The following LDHAL6A variants were observed in gnomAD, a reference collection of about 807,000 sequenced individuals.
LDHAL6A encodes L-lactate dehydrogenase A-like 6A.
In LDHAL6A, 19 loss-of-function variants were observed where a neutral mutation model predicts 28.2. That is an observed-to-expected ratio of 0.67 (90% CI 0.47 to 0.99). LDHAL6A has a LOEUF of 0.99. LDHAL6A is among the 50% of genes least tolerant of loss of function. The pLI is 0.00. For missense variants in LDHAL6A, 372 were observed against 398.6 expected, an observed-to-expected ratio of 0.93 and a Z score of 0.57; for synonymous variants, 144 against 134.4, an observed-to-expected ratio of 1.07 and a Z score of -0.49.
intron 1 of LDHAL6A, among the ~76,000 whole-genome samples, chr11:18,457,170 G>T (rs1482537773): frequency 6.6e-6 from 1 of 152,138 alleles, no homozygotes; most frequent in Non-Finnish European, 1.5e-5. Flanking sequence ...CAGCCTACGA[G>T]TACCAAATAC....
chr11:18,456,499 C>T lies in LDHAL6A; in HGVS notation c.-182C>T. ...TGGATGCTGAGCTGCCTGGCCAGAACCTACCCAGCTTCTTTGCTGGTCAGA... is the reference window on the plus strand; with the variant it reads ...TGGATGCTGAGCTGCCTGGCCAGAATCTACCCAGCTTCTTTGCTGGTCAGA... On this transcript the variant is annotated 5_prime_UTR_variant, in exon 1 of 7. Coordinates refer to ENST00000280706, the MANE Select transcript of LDHAL6A (RefSeq NM_144972.5). 1.7e-6 allele frequency: 1 copy of T among 584,820 alleles called. No homozygotes were observed. The highest frequency in any genetic ancestry group is 2.0e-5 in the South Asian group (1 of 49,218). 36.2% of individuals were successfully genotyped at this position (584,820 alleles called of 1,614,324 possible).
At chr11:18,467,903 A>ATG (rs1849120085) in intron 3 of LDHAL6A, among the ~76,000 whole-genome samples, 2 of 73,566 alleles carry the variant, frequency 2.7e-5, no homozygotes, top group African/African-American at 1.4e-4. Context: ...ATATATATAT[A>ATG]TATATATATA....
chr11:18,463,543 C>T (rs1217689664), intron 1 of LDHAL6A, among the ~76,000 whole-genome samples: 1 of 152,150 alleles, frequency 6.6e-6, no homozygotes, highest in African/African-American at 2.4e-5. Flanking sequence ...TTACTGAGCT[C>T]CTCTGTGCCA....
rs67628824 is a variant in LDHAL6A at position 18,464,977 on chromosome 11, G to GTTTTTTTTTTTTTTTTTTTTTTTTTTTT, written c.245-651_245-650insTTTTTTTTTTTTTTTTTTTTTTTTTTTT. Among the ~76,000 whole-genome samples, 63 of 125,512 alleles carry GTTTTTTTTTTTTTTTTTTTTTTTTTTTT rather than the reference G, an allele frequency of 5.0e-4. 6 individuals are homozygous for GTTTTTTTTTTTTTTTTTTTTTTTTTTTT. The highest frequency in any genetic ancestry group is 6.0e-4 in the African/African-American group (18 of 29,790). The allele number at this position is 125,512 out of a possible 152,430, so 82.3% of individuals were successfully genotyped here. A position where few individuals can be genotyped will look rare whatever the true frequency, so the allele number is the denominator to read the frequency against. ...TTTTAGGAGGTGAGGTGTTTTTTTTGTTTTTTTTTGTTTTGTTTTGTTTTG... is the reference window on the plus strand; with the variant it reads ...TTTTAGGAGGTGAGGTGTTTTTTTTGTTTTTTTTTTTTTTTTTTTTTTTTTTTTTTTTTTTTTGTTTTGTTTTGTTTTG... On this transcript the variant is annotated intron_variant, in intron 2 of 6. Coordinates refer to ENST00000280706, the MANE Select transcript of LDHAL6A (RefSeq NM_144972.5).
chr11:18,465,426 G>T (rs1045575737), intron 2 of LDHAL6A, among the ~76,000 whole-genome samples: 1 of 139,988 alleles, frequency 7.1e-6, no homozygotes. Flanking sequence ...CATGACTTAC[G>T]TTTTTTTTTT....
rs374839419 is a variant in LDHAL6A at position 18,471,369 on chromosome 11, C to T, written c.419-4097C>T. On this transcript the variant is annotated intron_variant, in intron 3 of 6. Transcript: ENST00000280706. ...GGATTGCAGGCGCACACCATCATGC[C>T]CAGTTAATTCTTGTATTTTCAGTAG... Among the ~76,000 whole-genome samples, 235 of 151,858 alleles carry T rather than the reference C, an allele frequency of 1.5e-3. 1 individual carries two copies. The highest frequency in any genetic ancestry group is 5.0e-3 in the African/African-American group (209 of 41,432).
At chr11:18,466,432 T>C (rs1007110773) in intron 3 of LDHAL6A, among the ~76,000 whole-genome samples, 1 of 151,972 alleles carries the variant, frequency 6.6e-6, no homozygotes, top group East Asian at 1.9e-4. Context: ...GTGGGTGAAG[T>C]GCTTGAATCC....
rs368774021 is a variant in LDHAL6A, at chr11:18,476,508, T to C, written c.710+7T>C. 57 of 1,612,926 alleles carry C rather than the reference T, an allele frequency of 3.5e-5. No homozygotes were observed. The highest frequency in any genetic ancestry group is 4.6e-5 in the Non-Finnish European group (54 of 1,179,542). ...ACAAAAAAGTGATTTCCAGGTAATA[T>C]GCTAGTTTCACATTTTCAGTACCTT... On this transcript the variant is annotated splice_region_variant and intron_variant, in intron 5 of 6. Transcript: ENST00000280706.
At chr11:18,457,812 T>C (rs992052469) in intron 1 of LDHAL6A, among the ~76,000 whole-genome samples, 1 of 152,292 alleles carries the variant, frequency 6.6e-6, no homozygotes, top group African/African-American at 2.4e-5. Context: ...AGATAACAGA[T>C]GTGAGCCACC....
At chr11:18,468,052 T>TATATATAC (rs2133878776) in intron 3 of LDHAL6A, among the ~76,000 whole-genome samples, 1 of 40,956 alleles carries the variant, frequency 2.4e-5, no homozygotes, top group African/African-American at 8.6e-5. Flanking sequence ...TATATACGTA[T>TATATATAC]ATATATATAC....
rs760606849 is a variant in LDHAL6A, at chr11:18,465,652, C to T, written c.260C>T (p.Ala87Val). 3 of 1,613,116 alleles carry T rather than the reference C, an allele frequency of 1.9e-6. No homozygotes were observed. The highest frequency in any genetic ancestry group is 2.5e-6 in the Non-Finnish European group (3 of 1,179,636). ...IVSSKDYLVT[A>V]NSNLVIITAG... Reference sequence around the variant, plus strand: ...CTTTCCTCAGATTACCTGGTCACTGCAAACTCCAATCTAGTGATTATCACA... The same window carrying T: ...CTTTCCTCAGATTACCTGGTCACTGTAAACTCCAATCTAGTGATTATCACA... Residue 87 changes from alanine to valine, a missense_variant, in exon 3 of 7, where the codon GCA (alanine) becomes GTA (valine). Ala to Val is a moderately conservative substitution (Grantham distance 64). Coordinates refer to ENST00000280706, the MANE Select transcript of LDHAL6A (RefSeq NM_144972.5).
chr11:18,463,786 A>G (rs541061648), intron 1 of LDHAL6A, among the ~76,000 whole-genome samples, 175 bp from the exon 2 acceptor site: 1 of 152,100 alleles, frequency 6.6e-6, no homozygotes, highest in South Asian at 2.1e-4. Flanking sequence ...TGTAATTTGT[A>G]TTTTTTCTGG....
intron 1 of LDHAL6A, among the ~76,000 whole-genome samples, chr11:18,459,900 GT>G (rs59881367): frequency 0.36 from 55,224 of 151,718 alleles, 11,013 homozygotes; most frequent in African/African-American, 0.52. Flanking sequence ...ATTTGGTGGG[GT>G]TTTTTTTGAT....
At chr11:18,461,423 G>A (rs954794888) in intron 1 of LDHAL6A, among the ~76,000 whole-genome samples, 5 of 152,098 alleles carry the variant, frequency 3.3e-5, no homozygotes, top group East Asian at 1.9e-4. Flanking sequence ...GATTATAGGC[G>A]TGAGCCACCA....
At chr11:18,465,835 C>A in intron 3 of LDHAL6A, 25 bp downstream of exon 3, 1 of 1,588,192 alleles carries the variant, frequency 6.3e-7, no homozygotes. Flanking sequence ...TTTAAATTTT[C>A]AACTTTTAGA....
At chr11:18,476,536 A>C in intron 5 of LDHAL6A, 35 bp downstream of exon 5, 1 of 1,606,486 alleles carries the variant, frequency 6.2e-7, no homozygotes, top group Non-Finnish European at 8.5e-7. Context: ...AGTACCTTAG[A>C]AGTTGTGAGC....
chr11:18,467,296 A>G (rs1318932889), intron 3 of LDHAL6A, among the ~76,000 whole-genome samples: 4 of 152,206 alleles, frequency 2.6e-5, no homozygotes, highest in Admixed American at 2.0e-4. Flanking sequence ...TCCAACATCA[A>G]TTCTAGAGAA....
At chr11:18,462,661 AAAAAAC>A (rs1848955111) in intron 1 of LDHAL6A, among the ~76,000 whole-genome samples, 2 of 142,274 alleles carry the variant, frequency 1.4e-5, no homozygotes, top group African/African-American at 2.7e-5. Flanking sequence ...CAAACAAAAA[AAAAAAC>A]AAAAAAAACC....
At chr11:18,475,273 C>G in intron 3 of LDHAL6A, 193 bp from the exon 4 acceptor site, 1 of 498,086 alleles carries the variant, frequency 2.0e-6, no homozygotes, top group South Asian at 3.2e-5. Flanking sequence ...TGCAAAGTAT[C>G]AACGAAAAGG....
Sources: gnomAD v4.1 joint callset for allele counts (sites outside exome capture counted in the v4.1 genomes callset) on GRCh38, gnomAD v4.1.1 for gene constraint, MANE v1.5 for transcripts, NCBI Gene and HGNC (gene_info 2026-07-23, HGNC 2026-07-21) for gene names.